Variants in DLG1 observed in about 807,000 individuals in gnomAD.
DLG1 encodes discs large MAGUK scaffold protein 1.
In DLG1, 42 loss-of-function variants were observed where a neutral mutation model predicts 123.4. That is an observed-to-expected ratio of 0.34 (90% CI 0.27 to 0.44). The LOEUF (loss-of-function observed/expected upper bound fraction) is 0.44. DLG1 is among the 20% of genes least tolerant of loss of function. The probability of loss-of-function intolerance (pLI) is 1.00; values close to 1 mark genes in which losing one functional copy is unlikely to be tolerated. For synonymous variants in DLG1, 317 were observed against 356.2 expected, an observed-to-expected ratio of 0.89 and a Z score of 1.24; for missense variants, 942 against 1,082.6, an observed-to-expected ratio of 0.87 and a Z score of 1.82.
chr3:197,120,692 G>C (rs1775875379), intron 11 of DLG1, among the ~76,000 whole-genome samples: 1 of 152,148 alleles, frequency 6.6e-6, no homozygotes, highest in African/African-American at 2.4e-5. Context: ...TGGCCAGATA[G>C]GTAACATAAA....
intron 3 of DLG1, among the ~76,000 whole-genome samples, chr3:197,285,569 A>G (rs935523125): frequency 2.6e-5 from 4 of 152,180 alleles, no homozygotes; most frequent in Admixed American, 2.6e-4. Context: ...ACTCAACAAT[A>G]AGAAGACAAT....
rs148346639 is a variant in DLG1 at position 197,090,783 on chromosome 3, A to G, written c.1661+129T>C. 2,233 of 498,492 alleles carry G rather than the reference A, an allele frequency of 4.5e-3. 14 individuals carry two copies. Among genetic ancestry groups the G allele is most frequent in the Middle Eastern group, 6.1e-3 (17 of 2,786 alleles). The allele number at this position is 498,492 out of a possible 1,614,324, so 30.9% of individuals were successfully genotyped here. A position where few individuals can be genotyped will look rare whatever the true frequency, so the allele number is the denominator to read the frequency against. On this transcript the variant is annotated intron_variant, in intron 15 of 24. Coordinates refer to ENST00000667157, the MANE Select transcript of DLG1 (RefSeq NM_001366207.1). ...GGCACACTGTCAGAGAGAATCAATA[A>G]TAAAAAACAACACTGATTGGCAATA...
intron 5 of DLG1, among the ~76,000 whole-genome samples, chr3:197,191,358 C>G (rs1299839637): frequency 6.6e-6 from 1 of 152,126 alleles, no homozygotes; most frequent in Admixed American, 6.5e-5. Flanking sequence ...TTAGAATGAG[C>G]ATTTTAGGCA....
intron 23 of DLG1, among the ~76,000 whole-genome samples, chr3:197,058,684 A>C (rs1377167529): frequency 2.0e-5 from 3 of 152,210 alleles, no homozygotes; most frequent in Non-Finnish European, 4.4e-5. Context: ...GCAGATGATG[A>C]GTGCAGTGTT....
chr3:197,200,831 A>G (rs1056382153), intron 4 of DLG1, among the ~76,000 whole-genome samples: 8 of 152,176 alleles, frequency 5.3e-5, no homozygotes, highest in Admixed American at 3.3e-4. Context: ...TGAGAAACAT[A>G]TCTCAACAAA....
At chr3:197,122,502 G>A (rs114947382) in intron 11 of DLG1, among the ~76,000 whole-genome samples, 2,640 of 152,122 alleles carry the variant, frequency 0.017, 82 homozygotes, top group African/African-American at 0.06. Context: ...TAGGAAAGAA[G>A]GAAGTAAAAT....
intron 4 of DLG1, among the ~76,000 whole-genome samples, chr3:197,216,057 G>A (rs1682540257): frequency 1.3e-5 from 2 of 152,094 alleles, no homozygotes; most frequent in South Asian, 4.1e-4. Context: ...AGTTTTTATG[G>A]GGCAGAGGGT....
chr3:197,243,070 G>A (rs555921221), intron 4 of DLG1, among the ~76,000 whole-genome samples: 4 of 152,122 alleles, frequency 2.6e-5, no homozygotes, highest in African/African-American at 9.7e-5. Context: ...AGTTACGATC[G>A]CAAGAGCACA....
chr3:197,096,069 A>G (rs1178552596), intron 14 of DLG1, among the ~76,000 whole-genome samples: 1 of 152,194 alleles, frequency 6.6e-6, no homozygotes, highest in East Asian at 1.9e-4. Context: ...CTAGGTGCTC[A>G]CTGCTCTTGG....
intron 1 of DLG1, chr3:197,298,280 G>C (rs1042055279): frequency 2.7e-6 from 1 of 376,082 alleles, no homozygotes; most frequent in Non-Finnish European, 4.7e-6. Context: ...GCAGGGGAAC[G>C]GAAGGGGTAC....
chr3:197,065,409 C>T lies in DLG1; in HGVS notation c.2240G>A (p.Arg747Lys). ...TCTTGAAGTCACAAAATGATAATCT[C>T]TTCCATCTACCTCATAATCTCGTTT... Reference protein sequence around the residue: ...RPKRDYEVDGRDYHFVTSREQ... With the variant: ...RPKRDYEVDGKDYHFVTSREQ... The change falls in exon 22 of 25, where the codon AGA becomes AAA. Residue 747 changes from arginine (R) to lysine (K), a missense_variant. Arg to Lys is a conservative substitution (Grantham distance 26, BLOSUM62 2). Coordinates refer to ENST00000667157, the MANE Select transcript of DLG1 (RefSeq NM_001366207.1). 1 of 1,612,516 alleles carries T rather than the reference C, an allele frequency of 6.2e-7. No homozygotes were observed. The highest frequency in any genetic ancestry group is 8.5e-7 in the Non-Finnish European group (1 of 1,179,520).
At position 197,207,432 on chromosome 3, in the gene DLG1, C is replaced by T. The variant is rs115980550; in HGVS notation, c.319-12843G>A. On this transcript the variant is annotated intron_variant, in intron 4 of 24. Coordinates refer to ENST00000667157, the MANE Select transcript of DLG1 (RefSeq NM_001366207.1). ...ATCAAGTCAAAGATATCATCTCCTT[C>T]CTAAGTTTATCTATACTTTTATCTT... 4.5e-3 allele frequency among the ~76,000 whole-genome samples: 683 copies of T among 151,804 alleles called. 6 individuals are homozygous for T. Among genetic ancestry groups the T allele is most frequent in the African/African-American group, 0.016 (658 of 41,256 alleles).
At chr3:197,146,035 AAAG>A (rs1055196600) in intron 6 of DLG1, among the ~76,000 whole-genome samples, 1 of 151,530 alleles carries the variant, frequency 6.6e-6, no homozygotes, top group Non-Finnish European at 1.5e-5. Flanking sequence ...AATAAAATAA[AAAG>A]AACTCGACCC....
rs1007314032 is a variant in DLG1, at chr3:197,079,270, T to C, written c.1905+1781A>G. Among the ~76,000 whole-genome samples, 6 of 152,306 alleles carry C rather than the reference T, an allele frequency of 3.9e-5. No individual in the cohort carries two copies. The East Asian group carries it at 9.6e-4, about 24-fold the overall frequency. ...AATATCTAAATACATAATTTCCACA[T>C]GTATTTCAAAATAGCCAAATGAATG... On this transcript the variant is annotated intron_variant, in intron 17 of 24. Transcript: ENST00000667157.
intron 13 of DLG1, among the ~76,000 whole-genome samples, chr3:197,110,818 G>A (rs1769549079): frequency 6.6e-6 from 1 of 152,046 alleles, no homozygotes; most frequent in Non-Finnish European, 1.5e-5. Flanking sequence ...CTTTTCCAAG[G>A]GCTATATGTG....
chr3:197,220,113 C>A (rs1237431664), intron 4 of DLG1, among the ~76,000 whole-genome samples: 1 of 152,110 alleles, frequency 6.6e-6, no homozygotes, highest in South Asian at 2.1e-4. Flanking sequence ...TACATAAATG[C>A]CTTACGGGCA....
intron 10 of DLG1, among the ~76,000 whole-genome samples, chr3:197,134,700 C>T (rs1184666188): frequency 6.6e-6 from 1 of 152,202 alleles, no homozygotes; most frequent in Non-Finnish European, 1.5e-5. Context: ...TGGGACTGGG[C>T]ATGGCTGATG....
intron 5 of DLG1, among the ~76,000 whole-genome samples, chr3:197,185,366 G>A (rs1474179483): frequency 2.6e-5 from 4 of 152,162 alleles, no homozygotes; most frequent in African/African-American, 9.7e-5. Context: ...GCTGAGAAGT[G>A]AACATGTGCT....
chr3:197,076,764 G>T, intron 17 of DLG1, 79 bp from the exon 18 acceptor site: 1 of 990,450 alleles, frequency 1.0e-6, no homozygotes, highest in Non-Finnish European at 1.6e-6. Flanking sequence ...CAGCTCTGTG[G>T]AAGCTGACTC....
Sources: gnomAD v4.1 joint callset for allele counts (sites outside exome capture counted in the v4.1 genomes callset) on GRCh38, gnomAD v4.1.1 for gene constraint, MANE v1.5 for transcripts, NCBI Gene and HGNC (gene_info 2026-07-23, HGNC 2026-07-21) for gene names.